Variants in CACHD1 observed in about 807,000 individuals in gnomAD.
The protein encoded by CACHD1 is cache domain containing 1.
In CACHD1, 71 loss-of-function variants were observed where a neutral mutation model predicts 138.7. The ratio of observed to expected loss-of-function variants is 0.51; its 90% CI spans 0.42 to 0.62. The LOEUF is 0.62. Among genes scored for constraint, CACHD1 ranks in the 20% least tolerant of loss-of-function variants. CACHD1 has a pLI of 0.00. For missense variants in CACHD1, 1,389 were observed against 1,625.3 expected (o/e 0.85, Z 2.50); for synonymous variants, 578 against 591.5 (o/e 0.98, Z 0.33).
At chr1:64,524,861 T>G (rs1009308343) in intron 1 of CACHD1, among the ~76,000 whole-genome samples, 3 of 152,188 alleles carry the variant, frequency 2.0e-5, no homozygotes, top group African/African-American at 7.2e-5. Context: ...TTCCGAATAT[T>G]GCTTTTTTTC....
chr1:64,582,920 G>A (rs1490655865), intron 3 of CACHD1, among the ~76,000 whole-genome samples: 9 of 152,126 alleles, frequency 5.9e-5, no homozygotes, highest in Admixed American at 5.2e-4. Context: ...TCTTTAATTA[G>A]CTGTGTGTCC....
At chr1:64,505,431 G>A (rs1285931425) in intron 1 of CACHD1, among the ~76,000 whole-genome samples, 1 of 152,154 alleles carries the variant, frequency 6.6e-6, no homozygotes, top group Non-Finnish European at 1.5e-5. Context: ...CTTGGAGGCT[G>A]CGGGCTTTCC....
Position 64,692,854 on chromosome 1 carries a change from ATG to A in CACHD1, c.*1300_*1301del, listed in dbSNP as rs1491426639. 1 of 152,646 alleles carries A rather than the reference ATG, an allele frequency of 6.6e-6. No individual in the cohort carries two copies. The highest frequency in any genetic ancestry group is 1.5e-5 in the Non-Finnish European group (1 of 68,026). The allele number at this position is 152,646 out of a possible 1,614,324, so 9.5% of individuals were successfully genotyped here. On this transcript the variant is annotated 3_prime_UTR_variant, in exon 27 of 27. Transcript: ENST00000651257. Reference sequence around the variant, plus strand: ...AGGCATTCTTGCACCATGGTAAAGAATGTGTGTGGTAAATCTCCGTTTATATG... The same window carrying A: ...AGGCATTCTTGCACCATGGTAAAGAATGTGTGGTAAATCTCCGTTTATATG...
At chr1:64,592,455 G>T (rs1329913613) in intron 3 of CACHD1, among the ~76,000 whole-genome samples, 1 of 152,176 alleles carries the variant, frequency 6.6e-6, no homozygotes, top group African/African-American at 2.4e-5. Context: ...GACTTTTAGA[G>T]GAGGAAGAGA....
chr1:64,666,924 TCTAA>T (rs1208245288), intron 16 of CACHD1, among the ~76,000 whole-genome samples: 4 of 151,344 alleles, frequency 2.6e-5, no homozygotes, highest in Admixed American at 2.6e-4. Context: ...TGTATTTGAG[TCTAA>T]CTCTTTAGAA....
chr1:64,529,098 A>G (rs1302591077), intron 1 of CACHD1, among the ~76,000 whole-genome samples: 1 of 152,126 alleles, frequency 6.6e-6, no homozygotes, highest in Non-Finnish European at 1.5e-5. Context: ...TTTTTATGAA[A>G]GAGTGTAAAT....
chr1:64,589,649 C>A (rs529548899), intron 3 of CACHD1, among the ~76,000 whole-genome samples: 1 of 152,034 alleles, frequency 6.6e-6, no homozygotes, highest in Non-Finnish European at 1.5e-5. Flanking sequence ...TTTCTTCTTG[C>A]TTACAGAACG....
chr1:64,547,570 T>C (rs1395106838), intron 1 of CACHD1, among the ~76,000 whole-genome samples: 1 of 152,184 alleles, frequency 6.6e-6, no homozygotes, highest in Admixed American at 6.5e-5. Context: ...TTTCACCATG[T>C]TAGCCGGGCT....
intron 4 of CACHD1, among the ~76,000 whole-genome samples, chr1:64,606,262 G>C (rs540368217): frequency 6.6e-6 from 1 of 152,274 alleles, no homozygotes; most frequent in East Asian, 1.9e-4. Flanking sequence ...AATACGGTTG[G>C]CTGTCGGGGG....
intron 1 of CACHD1, among the ~76,000 whole-genome samples, chr1:64,474,489 G>T (rs979318663): frequency 6.6e-6 from 1 of 152,184 alleles, no homozygotes; most frequent in Admixed American, 6.5e-5. Flanking sequence ...GCATGTAAAG[G>T]CATCTGTTAA....
intron 4 of CACHD1, among the ~76,000 whole-genome samples, chr1:64,616,895 G>C (rs1042759996): frequency 6.6e-6 from 1 of 152,004 alleles, no homozygotes; most frequent in African/African-American, 2.4e-5. Context: ...GTAGAGAATC[G>C]GTGTAGACCA....
At chr1:64,624,587 G>A (rs1246339257) in intron 4 of CACHD1, among the ~76,000 whole-genome samples, 1 of 152,172 alleles carries the variant, frequency 6.6e-6, no homozygotes, top group Admixed American at 6.5e-5. Flanking sequence ...ATGTCAGCCA[G>A]ATGTCTCACA....
chr1:64,478,188 C>A (rs1646187906), intron 1 of CACHD1, among the ~76,000 whole-genome samples: 1 of 152,114 alleles, frequency 6.6e-6, no homozygotes, highest in South Asian at 2.1e-4. Context: ...TTAGTTAATA[C>A]CTTTGCCCAG....
At chr1:64,472,913 G>A (rs1306645010) in intron 1 of CACHD1, among the ~76,000 whole-genome samples, 1 of 151,368 alleles carries the variant, frequency 6.6e-6, no homozygotes, top group African/African-American at 2.4e-5. Flanking sequence ...CTAAGATGCT[G>A]ACAGCCATTT....
At chr1:64,552,807 T>A (rs1263361410) in intron 2 of CACHD1, among the ~76,000 whole-genome samples, 5 of 152,244 alleles carry the variant, frequency 3.3e-5, no homozygotes, top group African/African-American at 1.2e-4. Context: ...TTTAACATAG[T>A]TTATTTTTAA....
At chr1:64,560,372 T>C (rs889347936) in intron 2 of CACHD1, among the ~76,000 whole-genome samples, 1 of 152,152 alleles carries the variant, frequency 6.6e-6, no homozygotes, top group African/African-American at 2.4e-5. Context: ...TAGTACACTT[T>C]ATATACCTCA....
intron 1 of CACHD1, among the ~76,000 whole-genome samples, chr1:64,524,412 A>T (rs1400745257): frequency 6.6e-6 from 1 of 152,138 alleles, no homozygotes; most frequent in Admixed American, 6.5e-5. Context: ...GCTTTTGTGA[A>T]ACACAGTTCA....
intron 26 of CACHD1, among the ~76,000 whole-genome samples, chr1:64,690,077 A>G (rs1263988777): frequency 1.3e-5 from 2 of 152,178 alleles, no homozygotes; most frequent in African/African-American, 4.8e-5. Context: ...ACCAATGCTG[A>G]TATTTGTTTC....
At chr1:64,676,755 G>A (rs936576251) in intron 21 of CACHD1, 140 bp from the exon 22 acceptor site, 2 of 636,066 alleles carry the variant, frequency 3.1e-6, no homozygotes, top group East Asian at 2.7e-5. Context: ...GAGTTGTTAA[G>A]TGATTGATAC....
Sources: allele counts gnomAD v4.1 joint callset (sites outside exome capture counted in the v4.1 genomes callset), GRCh38; gene constraint gnomAD v4.1.1; transcripts MANE v1.5; gene names NCBI Gene and HGNC (gene_info 2026-07-23, HGNC 2026-07-21).